PLN: variants seen among roughly 807,000 people sequenced by gnomAD.
The protein encoded by PLN is phospholamban, also known as cardiac phospholamban.
Under a neutral mutation model 3.9 loss-of-function variants are expected in PLN, and 1 was observed. That is an observed-to-expected ratio of 0.26 (90% CI 0.09 to 1.23). The LOEUF (loss-of-function observed/expected upper bound fraction) is 1.23. PLN is among the 50% of genes most tolerant of loss of function. PLN has a pLI of 0.48. For missense variants in PLN, 59 were observed against 62.7 expected, an observed-to-expected ratio of 0.94 and a Z score of 0.20; for synonymous variants, 21 against 20.5, an observed-to-expected ratio of 1.02 and a Z score of -0.07.
At chr6:118,552,664 T>G (rs373662104) in intron 1 of PLN, among the ~76,000 whole-genome samples, 1 of 152,092 alleles carries the variant, frequency 6.6e-6, no homozygotes, top group South Asian at 2.1e-4. Context: ...AACTTGATTT[T>G]TTTTTTAATT....
intron 1 of PLN, among the ~76,000 whole-genome samples, chr6:118,554,773 A>G (rs1778753434): frequency 1.3e-5 from 2 of 152,232 alleles, no homozygotes; most frequent in Admixed American, 1.3e-4. Context: ...TTAAGAATCA[A>G]CTGAAGCTTG....
intron 1 of PLN, among the ~76,000 whole-genome samples, chr6:118,555,587 T>G (rs1456768262): frequency 6.6e-6 from 1 of 152,164 alleles, no homozygotes; most frequent in East Asian, 1.9e-4. Flanking sequence ...TCTATTTATA[T>G]TTTACCTGAA....
At chr6:118,555,764 C>G (rs1217407023) in intron 1 of PLN, among the ~76,000 whole-genome samples, 1 of 151,956 alleles carries the variant, frequency 6.6e-6, no homozygotes, top group Non-Finnish European at 1.5e-5. Context: ...GTTATTAAGC[C>G]CAGTACCCAA....
At chr6:118,549,439 A>T (rs1232888200) in intron 1 of PLN, among the ~76,000 whole-genome samples, 10 of 151,842 alleles carry the variant, frequency 6.6e-5, no homozygotes, top group African/African-American at 2.4e-4. Flanking sequence ...CATACAGAAA[A>T]TTACATATAT....
chr6:118,558,933 C>T lies in PLN; in HGVS notation c.12C>T (p.Val4=). The part of the protein sequence containing the change: MEK[V]QYLTRSAIRR... The stretch of plus-strand genomic sequence containing the variant: ...GTCCTGCTGGTATCATGGAGAAAGT[C>T]CAATACCTCACTCGCTCAGCTATAA... The change falls in exon 2 of 2, where the codon GTC becomes GTT. Residue 4 remains valine, a synonymous_variant. Coordinates refer to ENST00000357525, the MANE Select transcript of PLN (RefSeq NM_002667.5). The T allele has an allele frequency of 6.2e-7, 1 of 1,613,836 alleles. No individual in the cohort carries two copies. The highest frequency in any genetic ancestry group is 8.5e-7 in the Non-Finnish European group (1 of 1,179,726).
Position 118,561,433 on chromosome 6 carries a change from T to C in PLN, c.*2353T>C, listed in dbSNP as rs1779216592. ...ATCTTATTCTGTGAGGATTACAGAA[T>C]ACTATAACTCAAATTATAAAGTAGA... On this transcript the variant is annotated 3_prime_UTR_variant, in exon 2 of 2. Transcript: ENST00000357525. Among the ~76,000 whole-genome samples, 1 of 152,200 alleles carries C rather than the reference T, an allele frequency of 6.6e-6. No individual in the cohort carries two copies. Among genetic ancestry groups the C allele is most frequent in the South Asian group, 2.1e-4 (1 of 4,836 alleles).
intron 1 of PLN, among the ~76,000 whole-genome samples, chr6:118,553,172 C>T (rs1000520331): frequency 1.3e-5 from 2 of 148,918 alleles, no homozygotes; most frequent in African/African-American, 5.0e-5. Context: ...GTATGCTTTC[C>T]ATCGAAAAAG....
At chr6:118,558,721 TAAC>T (rs576698403) in intron 1 of PLN, 101 bp from the exon 2 acceptor site, 177 of 590,788 alleles carry the variant, frequency 3.0e-4, no homozygotes, top group Non-Finnish European at 5.0e-4. Context: ...ATGTTATAAA[TAAC>T]AATAGTGCTG....
chr6:118,557,045 G>T (rs1008902385), intron 1 of PLN, among the ~76,000 whole-genome samples: 1 of 152,176 alleles, frequency 6.6e-6, no homozygotes, highest in African/African-American at 2.4e-5. Flanking sequence ...GTCTGTGGTA[G>T]TGAGATAATA....
rs554113623 is a variant in PLN, at chr6:118,556,135, G to T, written c.-97-2690G>T. Among the ~76,000 whole-genome samples the T allele has an allele frequency of 4.6e-5, 7 of 152,292 alleles. No homozygotes were observed. The South Asian group carries it at 1.0e-3, about 23-fold the overall frequency. ...TTCATGGGTGTATGTCTTTACGGCA[G>T]AAAGATTTACACTCCTCTGGATATA... On this transcript the variant is annotated intron_variant, in intron 1 of 1. Transcript: ENST00000357525.
chr6:118,548,538 T>A (rs1778345225), intron 1 of PLN, 146 bp downstream of exon 1: 1 of 152,124 alleles, frequency 6.6e-6, no homozygotes, highest in Non-Finnish European at 1.5e-5. Context: ...GACAAAGTGC[T>A]TAAATTTATA....
chr6:118,554,786 T>A (rs549629510), intron 1 of PLN, among the ~76,000 whole-genome samples: 10 of 152,316 alleles, frequency 6.6e-5, no homozygotes, highest in Admixed American at 5.9e-4. Flanking sequence ...GAAGCTTGCA[T>A]GGCAGACAAT....
At chr6:118,558,689 G>GGA (rs1339733111) in intron 1 of PLN, 136 bp from the exon 2 acceptor site, 11 of 308,568 alleles carry the variant, frequency 3.6e-5, no homozygotes, top group African/African-American at 5.9e-5. Flanking sequence ...AGAGAGAGAG[G>GGA]GAGAGAGACT....
At position 118,560,444 on chromosome 6, in the gene PLN, T is replaced by C. The variant is rs1345107783; in HGVS notation, c.*1364T>C. On this transcript the variant is annotated 3_prime_UTR_variant, in exon 2 of 2. Coordinates refer to ENST00000357525, the MANE Select transcript of PLN (RefSeq NM_002667.5). ...TCAACATAAAAGTCTTCATTCTCAT[T>C]GTCTTCACATTGAGTAGGCAGAGGA... 2 of 167,000 alleles carry C rather than the reference T, an allele frequency of 1.2e-5. No individual in the cohort carries two copies. Among genetic ancestry groups the C allele is most frequent in the Non-Finnish European group, 2.9e-5 (2 of 68,108 alleles). The allele number at this position is 167,000 out of a possible 1,614,324, so 10.3% of individuals were successfully genotyped here.
chr6:118,548,814 T>C (rs1240947666), intron 1 of PLN, among the ~76,000 whole-genome samples: 1 of 152,086 alleles, frequency 6.6e-6, no homozygotes, highest in Non-Finnish European at 1.5e-5. Flanking sequence ...CTGAGCTATT[T>C]ACATCTGAAC....
chr6:118,557,353 T>C (rs1778937731), intron 1 of PLN, among the ~76,000 whole-genome samples: 1 of 152,184 alleles, frequency 6.6e-6, no homozygotes, highest in Non-Finnish European at 1.5e-5. Flanking sequence ...AAAGAAACTA[T>C]ATGTTAGAAC....
chr6:118,550,777 A>G (rs1159832841), intron 1 of PLN, among the ~76,000 whole-genome samples: 2 of 151,962 alleles, frequency 1.3e-5, no homozygotes, highest in Non-Finnish European at 2.9e-5. Context: ...TCTAAAAGGC[A>G]AAAGGCAAAT....
rs1779080316 is a variant in PLN, at chr6:118,559,115, A to T, written c.*35A>T. 1.3e-6 allele frequency: 2 copies of T among 1,540,576 alleles called. No homozygotes were observed. The highest frequency in any genetic ancestry group is 3.3e-5 in the Admixed American group (2 of 59,894). ...ACAACCTCTAGATCTGCAGCTTGCC[A>T]CATCAGCTTAAAATCTGTCATCCCA... On this transcript the variant is annotated 3_prime_UTR_variant, in exon 2 of 2. Coordinates refer to ENST00000357525, the MANE Select transcript of PLN (RefSeq NM_002667.5).
chr6:118,559,431 G>T lies in PLN; in HGVS notation c.*351G>T. 3 of 298,158 alleles carry T rather than the reference G, an allele frequency of 1.0e-5. No homozygotes were observed. The highest frequency in any genetic ancestry group is 2.1e-5 in the Non-Finnish European group (3 of 146,018). The allele number at this position is 298,158 out of a possible 1,614,324, so 18.5% of individuals were successfully genotyped here. On this transcript the variant is annotated 3_prime_UTR_variant, in exon 2 of 2. Transcript: ENST00000357525. ...CCAACAAGTTCACTTCATATATAAA[G>T]CATTATTTTTACTCTTTTGAGGTGA...
Sources: allele counts gnomAD v4.1 joint callset (sites outside exome capture counted in the v4.1 genomes callset), GRCh38; gene constraint gnomAD v4.1.1; transcripts MANE v1.5; gene names NCBI Gene and HGNC (gene_info 2026-07-23, HGNC 2026-07-21).